The following ROBO2 variants were observed in gnomAD, a reference collection of about 807,000 sequenced individuals.
ROBO2 encodes the protein roundabout homolog 2.
ROBO2 carries 53 observed loss-of-function variants against 160.8 expected under a neutral mutation model. That is an observed-to-expected ratio of 0.33 (90% CI 0.26 to 0.41). The LOEUF (loss-of-function observed/expected upper bound fraction) is 0.41. Ranked by LOEUF, ROBO2 falls within the 10% of genes least tolerant of loss-of-function variation. The pLI, the probability that ROBO2 is intolerant of heterozygous loss-of-function variation, is 1.00. For synonymous variants in ROBO2, 664 were observed against 611.7 expected (o/e 1.09, Z -1.26); for missense variants, 1,577 against 1,722.4 (o/e 0.92, Z 1.49).
chr3:77,042,917 A>C (rs1467533854), intron 1 of ROBO2, among the ~76,000 whole-genome samples: 1 of 152,226 alleles, frequency 6.6e-6, no homozygotes, highest in African/African-American at 2.4e-5. Context: ...TTGACACTGA[A>C]AAGGCAATAT....
intron 2 of ROBO2, among the ~76,000 whole-genome samples, chr3:76,196,375 C>T (rs1702261883): frequency 6.6e-6 from 1 of 152,050 alleles, no homozygotes; most frequent in Non-Finnish European, 1.5e-5. Flanking sequence ...GTATAGTCAG[C>T]TGTACCTTGG....
At chr3:76,519,669 A>G (rs1354154547) in intron 2 of ROBO2, among the ~76,000 whole-genome samples, 1 of 152,226 alleles carries the variant, frequency 6.6e-6, no homozygotes, top group Non-Finnish European at 1.5e-5. Flanking sequence ...GGAAACTGCC[A>G]AAATGATAGA....
At chr3:76,733,031 AT>A (rs1170300831) in intron 2 of ROBO2, among the ~76,000 whole-genome samples, 1 of 151,822 alleles carries the variant, frequency 6.6e-6, no homozygotes, top group East Asian at 1.9e-4. Context: ...CTAGAGGCAT[AT>A]TTTGATGCTA....
rs759881605 is a variant in ROBO2 at position 76,097,097 on chromosome 3, G to A, written c.109+159495G>A. Among the ~76,000 whole-genome samples the A allele has an allele frequency of 2.6e-5, 4 of 152,154 alleles. 1 individual carries two copies. Among genetic ancestry groups the A allele is most frequent in the Non-Finnish European group, 5.9e-5 (4 of 68,028 alleles). On this transcript the variant is annotated intron_variant, in intron 2 of 26. Transcript: ENST00000487694. ...ACCCCAGGTTGGTCAGTTGCATCTG[G>A]ACTGGTGGGAAATGTAAAGAGACTA... is the stretch of plus-strand genomic sequence containing the variant.
At chr3:77,230,789 G>T (rs1485420050) in intron 2 of ROBO2, among the ~76,000 whole-genome samples, 2 of 152,120 alleles carry the variant, frequency 1.3e-5, no homozygotes, top group Non-Finnish European at 2.9e-5. Context: ...TGATGGTAAG[G>T]AATTATGCAA....
At chr3:77,623,538 G>T (rs906415863) in intron 23 of ROBO2, among the ~76,000 whole-genome samples, 5 of 152,214 alleles carry the variant, frequency 3.3e-5, no homozygotes, top group Non-Finnish European at 7.3e-5. Context: ...AATGTGTGAT[G>T]CATGAGCCCA....
At chr3:76,636,321 G>T (rs985206326) in intron 2 of ROBO2, among the ~76,000 whole-genome samples, 5 of 152,142 alleles carry the variant, frequency 3.3e-5, no homozygotes, top group Non-Finnish European at 5.9e-5. Flanking sequence ...TCATGTGCTG[G>T]TGAATAATAT....
chr3:76,657,884 G>A lies in ROBO2; in HGVS notation c.110-440130G>A, dbSNP rs899810208. ...GAACATTATATATATGTGTGTGTGT[G>A]TATATATATATATGTGTGTGTATCT... On this transcript the variant is annotated intron_variant, in intron 2 of 26. Transcript: ENST00000487694. 1.2e-3 allele frequency among the ~76,000 whole-genome samples: 173 copies of A among 146,608 alleles called. 2 individuals carry two copies. The highest frequency in any genetic ancestry group is 3.9e-3 in the African/African-American group (158 of 40,038).
rs558919463 is a variant in ROBO2, at chr3:77,421,006, C to A, written c.389-56408C>A. Among the ~76,000 whole-genome samples the A allele has an allele frequency of 1.4e-4, 22 of 152,228 alleles. No homozygotes were observed. In the South Asian group the frequency reaches 3.3e-3, roughly 23 times the overall value. ...TTCCAGCTCAGTCTCTCTGTATTCC[C>A]TGAAAATTGTCTACAAGAAAGTATA... On this transcript the variant is annotated intron_variant, in intron 2 of 25. Coordinates refer to ENST00000461745, the Ensembl canonical transcript of ROBO2.
intron 20 of ROBO2, 112 bp downstream of exon 21, chr3:77,602,603 A>G (rs1190495773): frequency 7.7e-7 from 1 of 1,302,096 alleles, no homozygotes; most frequent in Admixed American, 1.7e-5. Flanking sequence ...TACTACCTAA[A>G]CTAAAAAAAG....
At chr3:76,939,605 C>T (rs1295724879) in intron 2 of ROBO2, among the ~76,000 whole-genome samples, 1 of 151,998 alleles carries the variant, frequency 6.6e-6, no homozygotes, top group East Asian at 1.9e-4. Context: ...ATGGTGAAAC[C>T]TCATCTCTAT....
chr3:77,164,005 A>G (rs1457988119), intron 2 of ROBO2, among the ~76,000 whole-genome samples: 2 of 152,228 alleles, frequency 1.3e-5, no homozygotes, highest in Non-Finnish European at 2.9e-5. Flanking sequence ...CCCACTGCAT[A>G]GAAACAGTCT....
intron 2 of ROBO2, among the ~76,000 whole-genome samples, chr3:76,797,141 T>A (rs975311311): frequency 6.6e-6 from 1 of 152,122 alleles, no homozygotes; most frequent in African/African-American, 2.4e-5. Flanking sequence ...GGCTGCAGAA[T>A]ACACATTCTT....
intron 2 of ROBO2, among the ~76,000 whole-genome samples, chr3:76,474,982 G>A (rs1236027995): frequency 6.6e-6 from 1 of 152,008 alleles, no homozygotes; most frequent in Non-Finnish European, 1.5e-5. Context: ...TGCTTTGAAC[G>A]CCCTACTTCC....
At chr3:76,803,404 C>A (rs1560590321) in intron 2 of ROBO2, among the ~76,000 whole-genome samples, 1 of 95,272 alleles carries the variant, frequency 1.0e-5, no homozygotes, top group East Asian at 3.6e-4. Context: ...GAGGAGGATA[C>A]AGAAAAGGAG....
At chr3:76,154,638 T>A (rs2072334962) in intron 2 of ROBO2, among the ~76,000 whole-genome samples, 1 of 152,100 alleles carries the variant, frequency 6.6e-6, no homozygotes, top group African/African-American at 2.4e-5. Context: ...TGATTACATT[T>A]TTTCAATGTA....
intron 2 of ROBO2, among the ~76,000 whole-genome samples, chr3:76,468,291 T>G (rs1023845218): frequency 1.3e-5 from 2 of 152,130 alleles, no homozygotes; most frequent in Non-Finnish European, 2.9e-5. Context: ...TAACTACATT[T>G]GACATTGGAA....
intron 2 of ROBO2, among the ~76,000 whole-genome samples, chr3:76,058,714 A>G (rs1576672491): frequency 2.0e-5 from 3 of 146,708 alleles, no homozygotes; most frequent in South Asian, 2.2e-4. Context: ...TTTGTTACAT[A>G]TGTATACATG....
intron 2 of ROBO2, among the ~76,000 whole-genome samples, chr3:76,703,914 C>G (rs763713119): frequency 6.6e-6 from 1 of 151,546 alleles, no homozygotes; most frequent in Non-Finnish European, 1.5e-5. Context: ...GTATTTCTGA[C>G]TAGAAATGTT....
Sources: gnomAD v4.1 joint callset for allele counts (sites outside exome capture counted in the v4.1 genomes callset) on GRCh38, gnomAD v4.1.1 for gene constraint, MANE v1.5 for transcripts, NCBI Gene and HGNC (gene_info 2026-07-23, HGNC 2026-07-21) for gene names.